TRDMT1: variants seen among roughly 807,000 people sequenced by gnomAD.
TRDMT1 encodes tRNA aspartic acid methyltransferase 1.
In TRDMT1, 49 loss-of-function variants were observed where a neutral mutation model predicts 51.2. The observed-to-expected ratio is 0.96, with a 90% CI of 0.76 to 1.21. The LOEUF (loss-of-function observed/expected upper bound fraction) is 1.21, where lower values mean the gene tolerates loss of function less well. TRDMT1 is among the 50% of genes most tolerant of loss of function. The probability of loss-of-function intolerance (pLI) is 0.00; values close to 1 mark genes in which losing one functional copy is unlikely to be tolerated. For synonymous variants in TRDMT1, 187 were observed against 164.6 expected, an observed-to-expected ratio of 1.14 and a Z score of -1.04; for missense variants, 534 against 462.3, an observed-to-expected ratio of 1.16 and a Z score of -1.42.
rs748134800 is a variant in TRDMT1 at position 17,141,721 on chromosome 10, A to G, written c.*7319T>C. 2.0e-5 allele frequency among the ~76,000 whole-genome samples: 3 copies of G among 152,082 alleles called. No individual in the cohort carries two copies. Among genetic ancestry groups the G allele is most frequent in the Non-Finnish European group, 4.4e-5 (3 of 68,026 alleles). On this transcript the variant is annotated 3_prime_UTR_variant, in exon 11 of 11. Coordinates refer to ENST00000377799, the MANE Select transcript of TRDMT1 (RefSeq NM_004412.7). The stretch of plus-strand genomic sequence containing the variant: ...TATCTTCTGTCATTTCCTCTCTACT[A>G]CTGATCTCAAGTTTAGCAAAAGATA...
rs554038817 is a variant in TRDMT1, at chr10:17,201,657, C to T, written c.-23G>A. 10 of 1,538,042 alleles carry T rather than the reference C, an allele frequency of 6.5e-6. No homozygotes were observed. Among genetic ancestry groups the T allele is most frequent in the Middle Eastern group, 3.7e-4 (2 of 5,350 alleles). ...CATCCCCGCGCCTCAGCCGCCGCAGCCCCGGAGCTAGGCCTGCCGGTCCGT... is the reference window on the plus strand; with the variant it reads ...CATCCCCGCGCCTCAGCCGCCGCAGTCCCGGAGCTAGGCCTGCCGGTCCGT... On this transcript the variant is annotated 5_prime_UTR_variant, in exon 1 of 11. Transcript: ENST00000377799.
Position 17,165,630 on chromosome 10 carries a change from G to A in TRDMT1, c.251+3211C>T, listed in dbSNP as rs928903327. ...TTTGCAATCTACTCATCTGACAAAG[G>A]GCTAATATCCAGAATCTACAATGAA... On this transcript the variant is annotated intron_variant, in intron 3 of 10. Transcript: ENST00000377799. 1.4e-4 allele frequency among the ~76,000 whole-genome samples: 21 copies of A among 151,768 alleles called. No individual in the cohort carries two copies. The South Asian group carries it at 3.1e-3, about 23-fold the overall frequency.
chr10:17,140,118 G>A lies in TRDMT1; in HGVS notation c.*8922C>T, dbSNP rs1009362016. Among the ~76,000 whole-genome samples, 1 of 129,382 alleles carries A rather than the reference G, an allele frequency of 7.7e-6. No individual in the cohort carries two copies. The highest frequency in any genetic ancestry group is 1.6e-5 in the Non-Finnish European group (1 of 63,814). 84.9% of individuals were successfully genotyped at this position (129,382 alleles called of 152,430 possible). A position where few individuals can be genotyped will look rare whatever the true frequency, so the allele number is the denominator to read the frequency against. ...TGGAATGATGCAATGGCACGACCTC[G>A]GCTCACTGCAACCTCCGCCTCCCAG... On this transcript the variant is annotated 3_prime_UTR_variant, in exon 11 of 11. Coordinates refer to ENST00000377799, the MANE Select transcript of TRDMT1 (RefSeq NM_004412.7).
chr10:17,175,487 A>G (rs977036450), intron 1 of TRDMT1, among the ~76,000 whole-genome samples: 4 of 152,144 alleles, frequency 2.6e-5, no homozygotes, highest in African/African-American at 9.7e-5. Flanking sequence ...TATAAAACCA[A>G]TTATGTGCAT....
Position 17,148,251 on chromosome 10 carries a change from G to C in TRDMT1, c.*789C>G, listed in dbSNP as rs1398694398. ...TCATATGACATGGGATCAGAGGGCA[G>C]CTTCCTCCCTGAAATCTTAACGTCA... On this transcript the variant is annotated 3_prime_UTR_variant, in exon 11 of 11. Transcript: ENST00000377799. 1.0e-6 allele frequency: 1 copy of C among 985,340 alleles called. No homozygotes were observed. Among genetic ancestry groups the C allele is most frequent in the African/African-American group, 1.7e-5 (1 of 57,244 alleles). The allele number at this position is 985,340 out of a possible 1,614,324, so 61.0% of individuals were successfully genotyped here.
intron 1 of TRDMT1, among the ~76,000 whole-genome samples, chr10:17,180,278 T>C (rs746610600): frequency 3.3e-4 from 51 of 152,320 alleles, no homozygotes; most frequent in Non-Finnish European, 5.4e-4. Flanking sequence ...TGGTGGCTCA[T>C]GCCTTTAATC....
At position 17,144,066 on chromosome 10, in the gene TRDMT1, G is replaced by A. The variant is rs987434412; in HGVS notation, c.*4974C>T. On this transcript the variant is annotated 3_prime_UTR_variant, in exon 11 of 11. Coordinates refer to ENST00000377799, the MANE Select transcript of TRDMT1 (RefSeq NM_004412.7). ...TGGCTGAAGTTGTAGGAAAGGGTGA[G>A]AATCTCTAAGAAAAATGGCATGAAA... The A allele has an allele frequency of 1.1e-5, 11 of 985,400 alleles. No homozygotes were observed. In the East Asian group the frequency reaches 3.4e-4, roughly 31 times the overall value. The allele number at this position is 985,400 out of a possible 1,614,324, so 61.0% of individuals were successfully genotyped here. A position where few individuals can be genotyped will look rare whatever the true frequency, so the allele number is the denominator to read the frequency against.
In TRDMT1 at chr10:17,152,138, A is replaced by G. The variant is rs985798428; in HGVS notation, c.1075+1369T>C. 6.5e-6 allele frequency: 8 copies of G among 1,236,836 alleles called. No homozygotes were observed. In the South Asian group the frequency reaches 1.0e-4, roughly 16 times the overall value. The allele number at this position is 1,236,836 out of a possible 1,614,324, so 76.6% of individuals were successfully genotyped here. A position where few individuals can be genotyped will look rare whatever the true frequency, so the allele number is the denominator to read the frequency against. On this transcript the variant is annotated intron_variant, in intron 10 of 10. Transcript: ENST00000377799. Reference sequence around the variant, plus strand: ...AAAAAAATAGTAGCTAGGAAAGCAGACTAGGAATGAGAATTCTTAAGTCTA... The same window carrying G: ...AAAAAAATAGTAGCTAGGAAAGCAGGCTAGGAATGAGAATTCTTAAGTCTA...
chr10:17,201,435 C>T, intron 1 of TRDMT1, 136 bp downstream of exon 1: 2 of 864,952 alleles, frequency 2.3e-6, no homozygotes, highest in Non-Finnish European at 3.4e-6. Context: ...GTTTCCAGGA[C>T]AACCGAGGGC....
rs2131362337 is a variant in TRDMT1, at chr10:17,147,435, A to G, written c.*1605T>C. ...AAAATTTATCATTTTAACTATTTTT[A>G]AATATACAGTTGCAGTGGCATTAAG... On this transcript the variant is annotated 3_prime_UTR_variant, in exon 11 of 11. Coordinates refer to ENST00000377799, the MANE Select transcript of TRDMT1 (RefSeq NM_004412.7). 1.2e-6 allele frequency: 1 copy of G among 811,794 alleles called. No individual in the cohort carries two copies. Among genetic ancestry groups the G allele is most frequent in the South Asian group, 5.6e-5 (1 of 17,756 alleles). The allele number at this position is 811,794 out of a possible 1,614,324, so 50.3% of individuals were successfully genotyped here. A position where few individuals can be genotyped will look rare whatever the true frequency, so the allele number is the denominator to read the frequency against.
Position 17,139,565 on chromosome 10 carries a change from T to G in TRDMT1, c.*9475A>C, listed in dbSNP as rs1416901905. ...AAAGAAAACAAAGTTTGGGGATACC[T>G]GGCACTCTTCAGACTCTGCCTCTTG... On this transcript the variant is annotated 3_prime_UTR_variant, in exon 11 of 11. Transcript: ENST00000377799. Among the ~76,000 whole-genome samples, 1 of 152,210 alleles carries G rather than the reference T, an allele frequency of 6.6e-6. No homozygotes were observed. The highest frequency in any genetic ancestry group is 1.5e-5 in the Non-Finnish European group (1 of 68,040).
intron 6 of TRDMT1, among the ~76,000 whole-genome samples, chr10:17,159,609 G>A (rs1384833232): frequency 1.3e-5 from 2 of 152,096 alleles, no homozygotes; most frequent in African/African-American, 4.8e-5. Context: ...AAAAAAGGAT[G>A]ATACACTATG....
intron 2 of TRDMT1, among the ~76,000 whole-genome samples, chr10:17,173,537 G>T (rs2131512206): frequency 6.6e-6 from 1 of 152,206 alleles, no homozygotes; most frequent in East Asian, 1.9e-4. Context: ...GCCTGGGTTG[G>T]GGTTGGAGAC....
chr10:17,186,859 T>C (rs930176604), intron 1 of TRDMT1, among the ~76,000 whole-genome samples: 4 of 152,210 alleles, frequency 2.6e-5, no homozygotes, highest in African/African-American at 9.6e-5. Flanking sequence ...TAAAAGTTTA[T>C]AAATTCTACA....
At chr10:17,184,318 C>T (rs1843634418) in intron 1 of TRDMT1, among the ~76,000 whole-genome samples, 1 of 151,812 alleles carries the variant, frequency 6.6e-6, no homozygotes, top group African/African-American at 2.4e-5. Context: ...TCATTTCTGA[C>T]ATATTTATGG....
chr10:17,152,642 G>A (rs1395854780), intron 10 of TRDMT1, among the ~76,000 whole-genome samples: 8 of 152,160 alleles, frequency 5.3e-5, no homozygotes, highest in Admixed American at 5.2e-4. Flanking sequence ...CAGGTACTGG[G>A]AGCATGCCCA....
chr10:17,177,624 A>G (rs1035697704), intron 1 of TRDMT1, among the ~76,000 whole-genome samples: 1 of 152,162 alleles, frequency 6.6e-6, no homozygotes, highest in African/African-American at 2.4e-5. Flanking sequence ...TTATTTCAAG[A>G]GAGACTTCTA....
rs947962981 is a variant in TRDMT1, at chr10:17,176,703, T to C, written c.65-2043A>G. 2.0e-5 allele frequency among the ~76,000 whole-genome samples: 3 copies of C among 152,226 alleles called. No homozygotes were observed. In the East Asian group the frequency reaches 5.8e-4, roughly 29 times the overall value. ...TCAAAATAGAATTGGGGGGTGGTTA[T>C]TGTTTCTAAGGAAAAGGTTAAACTT... is the stretch of plus-strand genomic sequence containing the variant. On this transcript the variant is annotated intron_variant, in intron 1 of 10. Transcript: ENST00000377799.
intron 1 of TRDMT1, among the ~76,000 whole-genome samples, chr10:17,184,367 G>T (rs552048644): frequency 1.0e-3 from 152 of 151,830 alleles, no homozygotes; most frequent in African/African-American, 3.6e-3. Flanking sequence ...ATAAACATTA[G>T]TACTCTATAT....
Sources: gnomAD v4.1 joint callset for allele counts (sites outside exome capture counted in the v4.1 genomes callset) on GRCh38, gnomAD v4.1.1 for gene constraint, MANE v1.5 for transcripts, NCBI Gene and HGNC (gene_info 2026-07-23, HGNC 2026-07-21) for gene names.